Variants in ADAMTSL1 observed in about 807,000 individuals in gnomAD.
The protein encoded by ADAMTSL1 is ADAMTS-like protein 1.
ADAMTSL1 carries 126 observed loss-of-function variants against 201.8 expected under a neutral mutation model. The ratio of observed to expected loss-of-function variants is 0.62; its 90% CI spans 0.54 to 0.72. ADAMTSL1 has a LOEUF of 0.72. Among genes scored for constraint, ADAMTSL1 ranks in the 30% least tolerant of loss-of-function variants. The pLI, the probability that ADAMTSL1 is intolerant of heterozygous loss-of-function variation, is 0.00. For missense variants in ADAMTSL1, 2,679 were observed against 2,277.8 expected (o/e 1.18, Z -3.59); for synonymous variants, 1,121 against 903.4 (o/e 1.24, Z -4.32).
chr9:18,829,693 A>C, intron 22 of ADAMTSL1, 150 bp from the exon 23 acceptor site: 4 of 1,072,990 alleles, frequency 3.7e-6, no homozygotes, highest in Non-Finnish European at 5.3e-6. Flanking sequence ...GGACTCCTCT[A>C]TAGGAAAAAT....
At chr9:18,402,876 T>C (rs937211346) in intron 2 of ADAMTSL1, among the ~76,000 whole-genome samples, 4 of 152,182 alleles carry the variant, frequency 2.6e-5, no homozygotes, top group Non-Finnish European at 5.9e-5. Context: ...GTTGCTGCTA[T>C]TGCCAGTATT....
At chr9:18,016,766 A>G (rs1042756684) in intron 1 of ADAMTSL1, among the ~76,000 whole-genome samples, 7 of 152,016 alleles carry the variant, frequency 4.6e-5, no homozygotes, top group Non-Finnish European at 1.0e-4. Context: ...TTTAACTTCA[A>G]ATTGGTGGAT....
chr9:18,254,666 C>A, intron 2 of ADAMTSL1, among the ~76,000 whole-genome samples: 1 of 123,718 alleles, frequency 8.1e-6, no homozygotes, highest in Non-Finnish European at 1.7e-5. Flanking sequence ...CCTGCCCCCC[C>A]GCCCCCCCCA....
At chr9:18,420,070 G>T (rs2133357044) in intron 2 of ADAMTSL1, among the ~76,000 whole-genome samples, 1 of 152,266 alleles carries the variant, frequency 6.6e-6, no homozygotes, top group South Asian at 2.1e-4. Context: ...GTTGTATTAG[G>T]TTGATGCAAC....
chr9:18,318,202 G>A (rs971703032), intron 2 of ADAMTSL1, among the ~76,000 whole-genome samples: 8 of 152,180 alleles, frequency 5.3e-5, no homozygotes, highest in African/African-American at 1.9e-4. Flanking sequence ...TTCACTGTAT[G>A]TTCTTCAACA....
At chr9:18,766,737 C>T (rs1820387766) in intron 16 of ADAMTSL1, among the ~76,000 whole-genome samples, 1 of 152,104 alleles carries the variant, frequency 6.6e-6, no homozygotes, top group Admixed American at 6.5e-5. Context: ...TCTCTGGAAC[C>T]TCTTTTAGAG....
intron 1 of ADAMTSL1, among the ~76,000 whole-genome samples, chr9:18,023,692 C>T (rs1465432082): frequency 2.6e-5 from 4 of 152,116 alleles, no homozygotes; most frequent in African/African-American, 9.7e-5. Flanking sequence ...GCCATCTATA[C>T]ATAATATTTC....
intron 2 of ADAMTSL1, among the ~76,000 whole-genome samples, chr9:18,509,267 TAAGACTTCG>T (rs1055527417): frequency 6.9e-6 from 1 of 144,328 alleles, no homozygotes; most frequent in Non-Finnish European, 1.5e-5. Flanking sequence ...TGCTCAGCTT[TAAGACTTCG>T]AATCAGTTTG....
intron 2 of ADAMTSL1, among the ~76,000 whole-genome samples, chr9:18,337,249 T>C (rs1021612843): frequency 2.0e-5 from 3 of 152,238 alleles, no homozygotes; most frequent in East Asian, 1.9e-4. Context: ...TGTAAGACTC[T>C]TGGACTTACA....
At chr9:18,713,493 A>G (rs1832733278) in intron 14 of ADAMTSL1, among the ~76,000 whole-genome samples, 1 of 152,160 alleles carries the variant, frequency 6.6e-6, no homozygotes, top group African/African-American at 2.4e-5. Flanking sequence ...AGATCAAAAG[A>G]GACAAAGAAG....
At chr9:18,287,521 A>G (rs1833043946) in intron 2 of ADAMTSL1, among the ~76,000 whole-genome samples, 2 of 151,464 alleles carry the variant, frequency 1.3e-5, no homozygotes, top group South Asian at 2.1e-4. Flanking sequence ...TATGTAATAT[A>G]TTTACATATA....
chr9:18,761,409 T>A (rs955238736), intron 16 of ADAMTSL1, among the ~76,000 whole-genome samples: 15 of 152,218 alleles, frequency 9.9e-5, no homozygotes, highest in Admixed American at 9.8e-4. Flanking sequence ...ACTTTTCTTA[T>A]AAAACGAACC....
chr9:18,607,016 G>C (rs1041765952), intron 4 of ADAMTSL1, among the ~76,000 whole-genome samples: 2 of 152,092 alleles, frequency 1.3e-5, no homozygotes, highest in African/African-American at 4.8e-5. Flanking sequence ...TGTTATCTTA[G>C]GGAAAAAGAC....
intron 17 of ADAMTSL1, among the ~76,000 whole-genome samples, chr9:18,774,017 G>C (rs1820839727): frequency 6.6e-6 from 1 of 152,160 alleles, no homozygotes; most frequent in African/African-American, 2.4e-5. Context: ...ACACAGAATA[G>C]TGTCACTTCA....
chr9:18,651,037 T>C (rs1032612688), intron 7 of ADAMTSL1: 2 of 152,240 alleles, frequency 1.3e-5, no homozygotes, highest in Non-Finnish European at 2.9e-5. Flanking sequence ...ATCACTATAC[T>C]CTATCTAAAC....
chr9:17,934,645 C>T (rs1025216319), intron 1 of ADAMTSL1, among the ~76,000 whole-genome samples: 2 of 152,058 alleles, frequency 1.3e-5, no homozygotes, highest in Non-Finnish European at 2.9e-5. Context: ...ATCAGACCTG[C>T]CGCATTTCTT....
rs542568185 is a variant in ADAMTSL1, at chr9:18,264,996, T to C, written c.207+101015T>C. On this transcript the variant is annotated intron_variant, in intron 2 of 29. Transcript: ENST00000680146. Reference sequence around the variant, plus strand: ...AAGTTGTTAGAAGGATTAAATAAAGTAAAGCACATAGCACAGTACCTGGCC... The same window carrying C: ...AAGTTGTTAGAAGGATTAAATAAAGCAAAGCACATAGCACAGTACCTGGCC... 7.2e-4 allele frequency among the ~76,000 whole-genome samples: 110 copies of C among 152,306 alleles called. No individual in the cohort carries two copies. In the South Asian group the frequency reaches 0.021, roughly 30 times the overall value.
intron 1 of ADAMTSL1, among the ~76,000 whole-genome samples, chr9:18,015,290 A>G (rs1047264780): frequency 1.3e-5 from 2 of 152,052 alleles, no homozygotes; most frequent in African/African-American, 4.8e-5. Flanking sequence ...AAAGATGGTA[A>G]ATGGCCTGAG....
At chr9:18,538,100 C>G (rs747438516) in intron 3 of ADAMTSL1, among the ~76,000 whole-genome samples, 1 of 152,030 alleles carries the variant, frequency 6.6e-6, no homozygotes, top group Non-Finnish European at 1.5e-5. Context: ...TGGCTGCAGG[C>G]TCACTCTGGA....
Sources: gnomAD v4.1 joint callset for allele counts (sites outside exome capture counted in the v4.1 genomes callset) on GRCh38, gnomAD v4.1.1 for gene constraint, MANE v1.5 for transcripts, NCBI Gene and HGNC (gene_info 2026-07-23, HGNC 2026-07-21) for gene names.